FBXO36: variants seen among roughly 807,000 people sequenced by gnomAD.
The protein encoded by FBXO36 is F-box only protein 36.
FBXO36 carries 18 observed loss-of-function variants against 17.0 expected under a neutral mutation model. The ratio of observed to expected loss-of-function variants is 1.06; its 90% CI spans 0.73 to 1.57. The LOEUF (loss-of-function observed/expected upper bound fraction) is 1.57. Ranked by LOEUF, FBXO36 falls within the 40% of genes most tolerant of loss-of-function variation. The probability of loss-of-function intolerance (pLI) is 0.00; values close to 1 mark genes in which losing one functional copy is unlikely to be tolerated. For synonymous variants in FBXO36, 83 were observed against 85.3 expected (o/e 0.97, Z 0.15); for missense variants, 229 against 221.9 (o/e 1.03, Z -0.20).
chr2:229,997,937 C>G (rs1369080359), intron 3 of FBXO36, among the ~76,000 whole-genome samples: 1 of 152,184 alleles, frequency 6.6e-6, no homozygotes, highest in Admixed American at 6.5e-5. Flanking sequence ...AATGCTACCC[C>G]ACAATCACAC....
At chr2:229,939,383 C>A in intron 1 of FBXO36, 1 of 488,212 alleles carries the variant, frequency 2.0e-6, no homozygotes, top group Non-Finnish European at 2.7e-6. Flanking sequence ...ATTAAAGTAT[C>A]TCTTCAGCAT....
chr2:229,966,549 A>G lies in FBXO36; in HGVS notation c.97-9692A>G, dbSNP rs553085735. ...TAAGTCTTTAATCCATCTTGAATTT[A>G]TTTTTGTATAAGGTGTAAGGAAGGG... On this transcript the variant is annotated intron_variant, in intron 1 of 3. Coordinates refer to ENST00000283946, the MANE Select transcript of FBXO36 (RefSeq NM_174899.5). 9.7e-3 allele frequency among the ~76,000 whole-genome samples: 1,480 copies of G among 152,224 alleles called. 15 individuals carry two copies. The highest frequency in any genetic ancestry group is 0.015 in the Non-Finnish European group (1,015 of 68,016).
intron 1 of FBXO36, among the ~76,000 whole-genome samples, chr2:229,932,496 G>A (rs1328910407): frequency 6.6e-6 from 1 of 151,986 alleles, no homozygotes; most frequent in Non-Finnish European, 1.5e-5. Context: ...CTCCAGCCTA[G>A]GCAAGAAGAG....
intron 1 of FBXO36, among the ~76,000 whole-genome samples, chr2:229,937,625 C>T (rs2076971055): frequency 6.6e-6 from 1 of 152,234 alleles, no homozygotes; most frequent in Non-Finnish European, 1.5e-5. Context: ...CCCTGGCTCT[C>T]CCTGCTTCAG....
At chr2:229,926,867 T>G (rs2076915448) in intron 1 of FBXO36, among the ~76,000 whole-genome samples, 1 of 152,172 alleles carries the variant, frequency 6.6e-6, no homozygotes, top group Non-Finnish European at 1.5e-5. Flanking sequence ...TTTGTTTTTT[T>G]TTTGTTTTTG....
intron 1 of FBXO36, among the ~76,000 whole-genome samples, chr2:229,930,239 A>G (rs565165021): frequency 2.2e-4 from 33 of 152,130 alleles, no homozygotes; most frequent in South Asian, 6.2e-4. Flanking sequence ...CCAGCTACGC[A>G]GGAGGCTGAG....
intron 1 of FBXO36, among the ~76,000 whole-genome samples, chr2:229,960,517 GT>G (rs1429380845): frequency 6.6e-6 from 1 of 152,022 alleles, no homozygotes; most frequent in East Asian, 1.9e-4. Flanking sequence ...TTGGGATAGG[GT>G]GTCACTCTGT....
intron 2 of FBXO36, among the ~76,000 whole-genome samples, chr2:229,987,819 C>T (rs1577356746): frequency 6.6e-6 from 1 of 151,936 alleles, no homozygotes; most frequent in African/African-American, 2.4e-5. Context: ...CAGGGTCTCA[C>T]TATGGTGCGC....
At chr2:229,969,968 A>G (rs2077173065) in intron 1 of FBXO36, among the ~76,000 whole-genome samples, 1 of 152,188 alleles carries the variant, frequency 6.6e-6, no homozygotes, top group African/African-American at 2.4e-5. Flanking sequence ...AGACAGCACT[A>G]CTCACCTATC....
intron 1 of FBXO36, among the ~76,000 whole-genome samples, chr2:229,955,571 C>G (rs776910107): frequency 2.6e-5 from 4 of 152,044 alleles, no homozygotes; most frequent in Non-Finnish European, 4.4e-5. Context: ...TTGTCTACCT[C>G]CCTTTTCTCT....
intron 1 of FBXO36, among the ~76,000 whole-genome samples, chr2:229,959,153 A>G (rs1420317405): frequency 6.6e-6 from 1 of 151,922 alleles, no homozygotes; most frequent in Non-Finnish European, 1.5e-5. Context: ...CCCATGTTAG[A>G]TTTTGCCCTC....
intron 1 of FBXO36, among the ~76,000 whole-genome samples, chr2:229,961,929 C>A (rs2077123561): frequency 6.6e-6 from 1 of 151,922 alleles, no homozygotes. Context: ...GCCTGTAAAC[C>A]CAGCACTTTG....
intron 2 of FBXO36, among the ~76,000 whole-genome samples, chr2:229,979,271 GA>G (rs1029277775): frequency 2.6e-5 from 4 of 152,058 alleles, no homozygotes; most frequent in African/African-American, 7.2e-5. Context: ...GCTGAAGTGG[GA>G]GGATTTCTTG....
chr2:229,988,526 TTTTG>T (rs1414930377), intron 2 of FBXO36, among the ~76,000 whole-genome samples: 1 of 152,056 alleles, frequency 6.6e-6, no homozygotes, highest in Non-Finnish European at 1.5e-5. Context: ...TTTGTTTTGT[TTTTG>T]TTTGTTTGTT....
intron 3 of FBXO36, among the ~76,000 whole-genome samples, chr2:230,000,665 G>A (rs370798693): frequency 6.6e-6 from 1 of 151,948 alleles, no homozygotes; most frequent in African/African-American, 2.4e-5. Context: ...TTCACTCTTA[G>A]TGTCCTGCTA....
At chr2:229,997,979 G>A (rs1475230297) in intron 3 of FBXO36, among the ~76,000 whole-genome samples, 1 of 152,056 alleles carries the variant, frequency 6.6e-6, no homozygotes, top group African/African-American at 2.4e-5. Flanking sequence ...TCTCTTTTTG[G>A]CTTAAGTAAA....
At chr2:229,946,828 T>A (rs1310811095) in intron 1 of FBXO36, among the ~76,000 whole-genome samples, 2 of 152,184 alleles carry the variant, frequency 1.3e-5, no homozygotes, top group Non-Finnish European at 2.9e-5. Context: ...TCAGTACATA[T>A]TTGTTGCATT....
intron 1 of FBXO36, among the ~76,000 whole-genome samples, chr2:229,954,372 A>G (rs1171825856): frequency 2.7e-5 from 4 of 148,886 alleles, no homozygotes; most frequent in Non-Finnish European, 5.9e-5. Flanking sequence ...CCTCCCTAGT[A>G]ACTGGGATTA....
At chr2:229,999,127 T>TAA (rs1276958760) in intron 3 of FBXO36, among the ~76,000 whole-genome samples, 1 of 143,754 alleles carries the variant, frequency 7.0e-6, no homozygotes, top group Non-Finnish European at 1.5e-5. Flanking sequence ...TAATGTAATT[T>TAA]TTTTTTTTTT....
Sources: gnomAD v4.1 joint callset for allele counts (sites outside exome capture counted in the v4.1 genomes callset) on GRCh38, gnomAD v4.1.1 for gene constraint, MANE v1.5 for transcripts, NCBI Gene and HGNC (gene_info 2026-07-23, HGNC 2026-07-21) for gene names.